LHFPL3: variants seen among roughly 807,000 people sequenced by gnomAD.
LHFPL3 encodes the protein LHFPL tetraspan subfamily member 3 protein.
Under a neutral mutation model 19.3 loss-of-function variants are expected in LHFPL3, and 5 were observed. The ratio of observed to expected loss-of-function variants is 0.26; its 90% CI spans 0.14 to 0.54. LHFPL3 has a LOEUF of 0.54. Ranked by LOEUF, LHFPL3 falls within the 20% of genes least tolerant of loss-of-function variation. LHFPL3 has a pLI of 0.94. For missense variants in LHFPL3, 249 were observed against 307.4 expected (o/e 0.81, Z 1.42); for synonymous variants, 133 against 126.2 (o/e 1.05, Z -0.36).
At chr7:104,652,863 A>G (rs578211202) in intron 1 of LHFPL3, among the ~76,000 whole-genome samples, 15 of 152,176 alleles carry the variant, frequency 9.9e-5, no homozygotes, top group East Asian at 7.7e-4. Context: ...AAAAGAGAAG[A>G]AAAAGTAGGT....
intron 1 of LHFPL3, among the ~76,000 whole-genome samples, chr7:104,626,744 G>C (rs1791552963): frequency 6.6e-6 from 1 of 152,148 alleles, no homozygotes; most frequent in Admixed American, 6.5e-5. Context: ...GGGTGAGCAG[G>C]CTTATCCACA....
rs184947940 is a variant in LHFPL3 at position 104,466,504 on chromosome 7, T to C, written c.445+137280T>C. On this transcript the variant is annotated intron_variant, in intron 1 of 2. Transcript: ENST00000424859. Reference sequence around the variant, plus strand: ...GCTACTACTAAAAATATCTAGTAACTGGAAAATAATCTGTTGTTCCACTGC... The same window carrying C: ...GCTACTACTAAAAATATCTAGTAACCGGAAAATAATCTGTTGTTCCACTGC... 3.2e-3 allele frequency among the ~76,000 whole-genome samples: 482 copies of C among 152,372 alleles called. 1 individual carries two copies. Among genetic ancestry groups the C allele is most frequent in the Middle Eastern group, 0.01 (3 of 294 alleles).
At chr7:104,477,298 A>G (rs1020132021) in intron 1 of LHFPL3, among the ~76,000 whole-genome samples, 3 of 152,146 alleles carry the variant, frequency 2.0e-5, no homozygotes, top group Admixed American at 2.0e-4. Flanking sequence ...GCCCAAGAAC[A>G]TAATTCTTGA....
intron 1 of LHFPL3, among the ~76,000 whole-genome samples, chr7:104,711,036 A>T (rs903895830): frequency 6.6e-6 from 1 of 152,246 alleles, no homozygotes; most frequent in Non-Finnish European, 1.5e-5. Flanking sequence ...AGAGCTATGA[A>T]GTTTGAACAC....
intron 2 of LHFPL3, among the ~76,000 whole-genome samples, chr7:104,897,989 A>G (rs1351652770): frequency 6.7e-6 from 1 of 150,336 alleles, no homozygotes; most frequent in Non-Finnish European, 1.5e-5. Flanking sequence ...GACTGCTGAC[A>G]GAAAGAAATG....
intron 2 of LHFPL3, 118 bp downstream of exon 2, chr7:104,737,029 T>C: frequency 1.4e-6 from 1 of 724,498 alleles, no homozygotes; most frequent in South Asian, 1.8e-5. Flanking sequence ...CTGCCTCTTT[T>C]AATACCGTGT....
chr7:104,485,256 A>G (rs1368778408), intron 1 of LHFPL3, among the ~76,000 whole-genome samples: 1 of 147,822 alleles, frequency 6.8e-6, no homozygotes, highest in Middle Eastern at 3.2e-3. Flanking sequence ...CAGTTTTTGC[A>G]TGATAATCCC....
chr7:104,669,689 C>G, intron 1 of LHFPL3: 1 of 1,190,336 alleles, frequency 8.4e-7, no homozygotes, highest in Non-Finnish European at 1.2e-6. Context: ...TCCTGAAGAC[C>G]TTTCTTACCT....
At chr7:104,525,013 G>A (rs556661163) in intron 1 of LHFPL3, among the ~76,000 whole-genome samples, 7 of 152,288 alleles carry the variant, frequency 4.6e-5, no homozygotes, top group Admixed American at 3.9e-4. Flanking sequence ...ATGCGTCGTC[G>A]TGGAAATATG....
chr7:104,745,044 T>A lies in LHFPL3; in HGVS notation c.682+8133T>A, dbSNP rs369690118. On this transcript the variant is annotated intron_variant, in intron 2 of 2. Transcript: ENST00000424859. ...CCAACAGCTTACCCGATACCCTTTT[T>A]TGAATATCTAATTAGCTTCTCAAAC... Among the ~76,000 whole-genome samples, 18 of 152,360 alleles carry A rather than the reference T, an allele frequency of 1.2e-4. No homozygotes were observed. The South Asian group carries it at 1.7e-3, about 14-fold the overall frequency.
intron 2 of LHFPL3, among the ~76,000 whole-genome samples, chr7:104,869,642 G>A (rs1791794203): frequency 6.6e-6 from 1 of 152,104 alleles, no homozygotes; most frequent in Admixed American, 6.6e-5. Flanking sequence ...CACTGTTGGT[G>A]GGACTGTAAA....
intron 1 of LHFPL3, among the ~76,000 whole-genome samples, chr7:104,622,264 C>G (rs1791459303): frequency 6.6e-6 from 1 of 152,092 alleles, no homozygotes; most frequent in Non-Finnish European, 1.5e-5. Flanking sequence ...CATGGGCCAC[C>G]ACACTCAGCT....
chr7:104,454,975 T>G (rs968899995), intron 1 of LHFPL3, among the ~76,000 whole-genome samples: 1 of 152,234 alleles, frequency 6.6e-6, no homozygotes, highest in African/African-American at 2.4e-5. Context: ...GTGTATAGCC[T>G]GCCCCTTCCA....
chr7:104,624,665 A>G (rs1254397968), intron 1 of LHFPL3, among the ~76,000 whole-genome samples: 1 of 152,204 alleles, frequency 6.6e-6, no homozygotes, highest in Non-Finnish European at 1.5e-5. Flanking sequence ...GAATAGAGAG[A>G]TGGATAGGTG....
intron 1 of LHFPL3, among the ~76,000 whole-genome samples, chr7:104,343,595 ACCTATTGTAGTTAT>A (rs1790004206): frequency 6.6e-6 from 1 of 150,560 alleles, no homozygotes; most frequent in African/African-American, 2.4e-5. Flanking sequence ...TGATTTAAAT[ACCTATTGTAGTTAT>A]AAATGTTATT....
At chr7:104,521,524 C>A in intron 1 of LHFPL3, among the ~76,000 whole-genome samples, 1 of 151,938 alleles carries the variant, frequency 6.6e-6, no homozygotes, top group South Asian at 2.1e-4. Context: ...CAACAAAAGA[C>A]AAAATTGACA....
chr7:104,601,244 G>A (rs1790959973), intron 1 of LHFPL3, among the ~76,000 whole-genome samples: 1 of 152,018 alleles, frequency 6.6e-6, no homozygotes, highest in Admixed American at 6.5e-5. Context: ...AGGAATTCAG[G>A]AGAGATGATA....
At chr7:104,784,744 A>G (rs1025003779) in intron 2 of LHFPL3, among the ~76,000 whole-genome samples, 5 of 152,230 alleles carry the variant, frequency 3.3e-5, no homozygotes, top group African/African-American at 1.2e-4. Flanking sequence ...AAAATGTCAT[A>G]TGACTTTCAT....
At chr7:104,583,040 T>C (rs1024454173) in intron 1 of LHFPL3, among the ~76,000 whole-genome samples, 1 of 151,740 alleles carries the variant, frequency 6.6e-6, no homozygotes, top group Non-Finnish European at 1.5e-5. Flanking sequence ...AGCAGCCAAA[T>C]AGAAAATAGA....
Sources: allele counts gnomAD v4.1 joint callset (sites outside exome capture counted in the v4.1 genomes callset), GRCh38; gene constraint gnomAD v4.1.1; transcripts MANE v1.5; gene names NCBI Gene and HGNC (gene_info 2026-07-23, HGNC 2026-07-21).